The following MYO3A variants were observed in gnomAD, a reference collection of about 807,000 sequenced individuals.
The protein encoded by MYO3A is myosin-IIIa.
Under a neutral mutation model 192.7 loss-of-function variants are expected in MYO3A, and 180 were observed. That is an observed-to-expected ratio of 0.93 (90% confidence interval 0.83 to 1.06). The LOEUF is 1.06. MYO3A is among the 50% of genes least tolerant of loss of function. MYO3A has a pLI of 0.00. For synonymous variants in MYO3A, 628 were observed against 645.3 expected, an observed-to-expected ratio of 0.97 and a Z score of 0.41; for missense variants, 1,896 against 1,905.0, an observed-to-expected ratio of 1.00 and a Z score of 0.09.
intron 31 of MYO3A, among the ~76,000 whole-genome samples, chr10:26,181,715 C>A: frequency 6.8e-6 from 1 of 147,608 alleles, no homozygotes. Flanking sequence ...TAATTATTCC[C>A]AAACATATGG....
chr10:26,099,334 T>A (rs1013205386), intron 17 of MYO3A, among the ~76,000 whole-genome samples: 1 of 152,228 alleles, frequency 6.6e-6, no homozygotes, highest in African/African-American at 2.4e-5. Context: ...GTTTTCTAAA[T>A]ATACAGTCAT....
chr10:26,195,820 C>T (rs1443775658), intron 32 of MYO3A, among the ~76,000 whole-genome samples: 1 of 152,224 alleles, frequency 6.6e-6, no homozygotes, highest in East Asian at 1.9e-4. Context: ...CTTCCTATAT[C>T]CTCCCGAAGA....
chr10:26,154,952 G>A, intron 25 of MYO3A, 129 bp downstream of exon 25: 1 of 808,214 alleles, frequency 1.2e-6, no homozygotes, highest in Non-Finnish European at 2.0e-6. Flanking sequence ...TTAGATACAG[G>A]ATATGTTAGC....
At chr10:26,037,926 C>A (rs968144682) in intron 10 of MYO3A, among the ~76,000 whole-genome samples, 1 of 152,136 alleles carries the variant, frequency 6.6e-6, no homozygotes, top group Non-Finnish European at 1.5e-5. Flanking sequence ...TCCCTCCCCC[C>A]AACATTAGGA....
intron 4 of MYO3A, among the ~76,000 whole-genome samples, chr10:25,973,015 G>A (rs941053800): frequency 4.6e-5 from 7 of 152,156 alleles, no homozygotes; most frequent in Admixed American, 2.6e-4. Flanking sequence ...CTAATTCTGT[G>A]AAGAATGTCA....
intron 20 of MYO3A, among the ~76,000 whole-genome samples, chr10:26,137,258 A>C (rs2131810898): frequency 6.6e-6 from 1 of 152,344 alleles, no homozygotes; most frequent in African/African-American, 2.4e-5. Context: ...ACTTCAACTA[A>C]GGAAACAAAG....
At chr10:26,052,846 T>A (rs12773513) in intron 10 of MYO3A, among the ~76,000 whole-genome samples, 1 of 151,820 alleles carries the variant, frequency 6.6e-6, no homozygotes, top group South Asian at 2.1e-4. Context: ...TTTTCAATTT[T>A]TAGAGCAGAA....
rs375545757 is a variant in MYO3A at position 26,211,941 on chromosome 10, G to A, written c.4829G>A (p.Arg1610Gln). ...RRLLRKTSQR[R>Q]RLVQQS is the part of the protein sequence containing the mutation. ...CTCCTGCGCAAAACCTCCCAGCGCC[G>A]GCGCCTCGTCCAGCAGTCCTAACCG... Residue 1610 changes from arginine to glutamine, a missense_variant, in exon 35 of 35, where the codon CGG (arginine) becomes CAG (glutamine). Transcript: ENST00000642920. 5.0e-6 allele frequency: 8 copies of A among 1,613,742 alleles called. No individual in the cohort carries two copies. Among genetic ancestry groups the A allele is most frequent in the Admixed American group, 3.3e-5 (2 of 59,980 alleles).
intron 6 of MYO3A, among the ~76,000 whole-genome samples, chr10:26,011,831 A>G (rs141504223): frequency 0.015 from 2,308 of 152,320 alleles, 70 homozygotes; most frequent in African/African-American, 0.053. Context: ...CCTGATGAAC[A>G]TTGATGCAAA....
At chr10:26,158,351 CA>C (rs1841275307) in intron 26 of MYO3A, among the ~76,000 whole-genome samples, 1 of 151,674 alleles carries the variant, frequency 6.6e-6, no homozygotes, top group Admixed American at 6.6e-5. Flanking sequence ...TTCCCAGGCT[CA>C]TGCCATTCTT....
intron 26 of MYO3A, among the ~76,000 whole-genome samples, chr10:26,160,896 A>C (rs1222538789): frequency 2.0e-5 from 3 of 152,244 alleles, no homozygotes; most frequent in Non-Finnish European, 2.9e-5. Flanking sequence ...ATAGCTTGAA[A>C]AATAACCATA....
rs1332054556 is a variant in MYO3A, at chr10:26,201,300, A to G, written c.4581A>G (p.Lys1527=). The change falls in exon 33 of 35, where the codon AAA becomes AAG. Residue 1527 remains lysine, a synonymous_variant. Coordinates refer to ENST00000642920, the MANE Select transcript of MYO3A (RefSeq NM_017433.5). ...SIQEEKRRPR[K]DSQGKLLDLE... The stretch of plus-strand genomic sequence containing the variant: ...AAGAAGAAAAACGAAGACCAAGGAA[A>G]GACAGGTAATTATTACTTCTGGATT... 8.2e-6 allele frequency: 13 copies of G among 1,579,326 alleles called. No individual in the cohort carries two copies. Among genetic ancestry groups the G allele is most frequent in the Non-Finnish European group, 1.0e-5 (12 of 1,154,110 alleles).
In MYO3A at chr10:26,121,706, G is replaced by A. The variant is rs949110617; in HGVS notation, c.1903+904G>A. ...GCAGAGGTTGCAGTGAGCCGAGATC[G>A]TGCCACTGCACTCCAGCCTGGACGA... On this transcript the variant is annotated intron_variant, in intron 18 of 34. Coordinates refer to ENST00000642920, the MANE Select transcript of MYO3A (RefSeq NM_017433.5). 1.1e-4 allele frequency among the ~76,000 whole-genome samples: 17 copies of A among 152,266 alleles called. 2 individuals carry two copies. Among genetic ancestry groups the A allele is most frequent in the Admixed American group, 6.5e-4 (10 of 15,296 alleles).
intron 20 of MYO3A, among the ~76,000 whole-genome samples, chr10:26,130,159 C>T (rs2131761388): frequency 6.6e-6 from 1 of 151,830 alleles, no homozygotes; most frequent in Admixed American, 6.6e-5. Context: ...GGCTGTAGTG[C>T]AGTGGGGTGG....
At chr10:25,960,257 C>G (rs971034505) in intron 4 of MYO3A, among the ~76,000 whole-genome samples, 2 of 151,958 alleles carry the variant, frequency 1.3e-5, no homozygotes, top group African/African-American at 2.4e-5. Context: ...TGCTCTGGAG[C>G]CTTTCAAAAT....
intron 14 of MYO3A, among the ~76,000 whole-genome samples, chr10:26,081,144 C>CCCCCCCCCT: frequency 2.2e-5 from 2 of 90,546 alleles, no homozygotes; most frequent in East Asian, 4.5e-4. Flanking sequence ...CCCCCCCCCC[C>CCCCCCCCCT]CGCCCCCGCT....
chr10:26,170,654 A>T, intron 29 of MYO3A, 115 bp downstream of exon 29: 13 of 1,122,170 alleles, frequency 1.2e-5, no homozygotes, highest in South Asian at 1.5e-5. Context: ...ATACTGACAC[A>T]TCAAATGTCA....
rs1221843718 is a variant in MYO3A at position 26,075,741 on chromosome 10, CAT to C, written c.1359+5347_1359+5348del. On this transcript the variant is annotated intron_variant, in intron 14 of 34. Coordinates refer to ENST00000642920, the MANE Select transcript of MYO3A (RefSeq NM_017433.5). ...ATATATATATGATATATATGTCTCT[CAT>C]ATATATGATATATATATGTCTCTCT... Among the ~76,000 whole-genome samples, 336 of 142,610 alleles carry C rather than the reference CAT, an allele frequency of 2.4e-3. 3 individuals are homozygous for C. Among genetic ancestry groups the C allele is most frequent in the African/African-American group, 8.5e-3 (315 of 37,166 alleles). 93.6% of individuals were successfully genotyped at this position (142,610 alleles called of 152,430 possible). A position where few individuals can be genotyped will look rare whatever the true frequency, so the allele number is the denominator to read the frequency against.
At chr10:26,183,615 C>T (rs558783488) in intron 31 of MYO3A, among the ~76,000 whole-genome samples, 28 of 152,218 alleles carry the variant, frequency 1.8e-4, no homozygotes, top group Admixed American at 5.9e-4. Context: ...AATCAGAGAG[C>T]GGCCAAAAGC....
Sources: allele counts gnomAD v4.1 joint callset (sites outside exome capture counted in the v4.1 genomes callset), GRCh38; gene constraint gnomAD v4.1.1; transcripts MANE v1.5; gene names NCBI Gene and HGNC (gene_info 2026-07-23, HGNC 2026-07-21).